WDPCP: variants seen among roughly 807,000 people sequenced by gnomAD.
The protein encoded by WDPCP is WD repeat containing planar cell polarity effector.
WDPCP carries 71 observed loss-of-function variants against 93.1 expected under a neutral mutation model. The ratio of observed to expected loss-of-function variants is 0.76; its 90% CI spans 0.63 to 0.93. The LOEUF is 0.93. Ranked by LOEUF, WDPCP falls within the 40% of genes least tolerant of loss-of-function variation. The pLI is 0.00. For missense variants in WDPCP, 844 were observed against 887.4 expected (o/e 0.95, Z 0.62); for synonymous variants, 315 against 315.0 (o/e 1.00, Z 0.00).
chr2:63,218,632 C>A (rs1265367208), intron 14 of WDPCP, among the ~76,000 whole-genome samples: 3 of 152,032 alleles, frequency 2.0e-5, no homozygotes, highest in South Asian at 2.1e-4. Context: ...CGGGTTCAAG[C>A]GATTCTCCTC....
intron 2 of WDPCP, among the ~76,000 whole-genome samples, chr2:63,776,889 C>T (rs1245162138): frequency 6.6e-6 from 1 of 151,880 alleles, no homozygotes; most frequent in Non-Finnish European, 1.5e-5. Flanking sequence ...CTCACTCATA[C>T]ATAAAAAAAG....
intron 9 of WDPCP, among the ~76,000 whole-genome samples, chr2:63,408,916 C>G (rs1478171481): frequency 6.6e-6 from 1 of 152,072 alleles, no homozygotes; most frequent in Admixed American, 6.5e-5. Flanking sequence ...AGAGTCTGAG[C>G]TCAGACACAC....
chr2:63,174,689 G>A lies in WDPCP; in HGVS notation c.2059C>T (p.Leu687=), dbSNP rs1283720653. 1.9e-6 allele frequency: 3 copies of A among 1,613,894 alleles called. No homozygotes were observed. The highest frequency in any genetic ancestry group is 1.3e-5 in the African/African-American group (1 of 75,014). ...THRHILQQRI[L]NGSSNRQIID... Reference sequence around the variant, plus strand: ...TCTTACCTGTTAGAAGAGCCATTCAGTATTCTTTGTTGTAAAATATGTCTG... The same window carrying A: ...TCTTACCTGTTAGAAGAGCCATTCAATATTCTTTGTTGTAAAATATGTCTG... The change falls in exon 15 of 18, where the codon CTG becomes TTG. Residue 687 remains leucine, a synonymous_variant. Coordinates refer to ENST00000272321, the MANE Select transcript of WDPCP (RefSeq NM_015910.7).
At chr2:63,640,019 G>T (rs559255670) in intron 3 of WDPCP, among the ~76,000 whole-genome samples, 27 of 152,178 alleles carry the variant, frequency 1.8e-4, no homozygotes, top group East Asian at 1.7e-3. Context: ...TTGTTTGTTT[G>T]TTTTTTTCTG....
rs1322464237 is a variant in WDPCP, at chr2:63,470,808, T to A, written c.384+13796A>T. 2.0e-5 allele frequency among the ~76,000 whole-genome samples: 3 copies of A among 152,130 alleles called. 1 individual carries two copies. The East Asian group carries it at 5.8e-4, about 29-fold the overall frequency. On this transcript the variant is annotated intron_variant, in intron 6 of 17. Coordinates refer to ENST00000272321, the MANE Select transcript of WDPCP (RefSeq NM_015910.7). Reference sequence around the variant, plus strand: ...CCTTTCTGACCTCAATTCCTACTACTCTTCTTGCTCATTTCACCCCACTCA... The same window carrying A: ...CCTTTCTGACCTCAATTCCTACTACACTTCTTGCTCATTTCACCCCACTCA...
In WDPCP at chr2:63,751,980, A is replaced by G. The variant is rs1558901977; in HGVS notation, n.308+61642T>C. ...CATCATGACCACTGAAGTTTCCTCC[A>G]CAATCAAAGTTGTCATTTCCACTGA... On this transcript the variant is annotated intron_variant and non_coding_transcript_variant, in intron 2 of 4. Transcript: ENST00000467687. 9.5e-6 allele frequency: 6 copies of G among 632,278 alleles called. 1 individual carries two copies. Among genetic ancestry groups the G allele is most frequent in the South Asian group, 8.4e-5 (6 of 71,084 alleles). The allele number at this position is 632,278 out of a possible 1,614,324, so 39.2% of individuals were successfully genotyped here.
At chr2:63,816,203 G>A (rs1670930627) in intron 1 of WDPCP, among the ~76,000 whole-genome samples, 1 of 152,104 alleles carries the variant, frequency 6.6e-6, no homozygotes, top group Non-Finnish European at 1.5e-5. Flanking sequence ...CAAAAACTGT[G>A]AGGCTGAAAA....
chr2:63,490,275 T>C (rs563668868), intron 2 of WDPCP, among the ~76,000 whole-genome samples: 1 of 152,238 alleles, frequency 6.6e-6, no homozygotes, highest in African/African-American at 2.4e-5. Context: ...ATTGTTAATT[T>C]CCTGATTTCA....
intron 3 of WDPCP, chr2:63,605,422 C>G (rs1709509946): frequency 2.0e-6 from 3 of 1,471,370 alleles, no homozygotes; most frequent in Non-Finnish European, 2.9e-6. Context: ...GCACAGGTCA[C>G]TCTATTTTAT....
intron 14 of WDPCP, among the ~76,000 whole-genome samples, chr2:63,186,348 G>A (rs909537806): frequency 6.6e-6 from 1 of 151,836 alleles, no homozygotes. Flanking sequence ...TCTGGATGTG[G>A]GGGCCCTTCC....
chr2:63,655,278 T>C (rs1558876632), intron 2 of WDPCP, among the ~76,000 whole-genome samples: 1 of 152,312 alleles, frequency 6.6e-6, no homozygotes, highest in East Asian at 1.9e-4. Context: ...CATTGCTCTC[T>C]CTTCGTATTA....
chr2:63,174,543 G>A (rs1673651405), intron 15 of WDPCP, 127 bp downstream of exon 15: 2 of 1,221,372 alleles, frequency 1.6e-6, no homozygotes, highest in Admixed American at 3.8e-5. Flanking sequence ...TGCAAAGTCT[G>A]AGCCATGAGA....
intron 1 of WDPCP, among the ~76,000 whole-genome samples, chr2:63,556,141 G>T (rs766405712): frequency 1.4e-4 from 22 of 152,310 alleles, no homozygotes; most frequent in Non-Finnish European, 2.6e-4. Context: ...AACCAGTTTA[G>T]AGAGGAACAT....
intron 2 of WDPCP, among the ~76,000 whole-genome samples, chr2:63,723,639 T>G (rs1156253130): frequency 6.6e-6 from 1 of 151,514 alleles, no homozygotes; most frequent in Non-Finnish European, 1.5e-5. Flanking sequence ...GTTTGGACAG[T>G]ACTCAAGTTT....
At chr2:63,564,748 T>A (rs946953863) in intron 1 of WDPCP, 1 of 151,792 alleles carries the variant, frequency 6.6e-6, no homozygotes, top group Non-Finnish European at 1.5e-5. Context: ...GTATTTATAC[T>A]TGTGATGTTA....
intron 14 of WDPCP, among the ~76,000 whole-genome samples, chr2:63,181,832 AT>A (rs890685339): frequency 6.6e-6 from 1 of 150,876 alleles, no homozygotes; most frequent in Admixed American, 6.6e-5. Flanking sequence ...AGGTTTTTCC[AT>A]TTGTGTCATG....
chr2:63,742,481 T>C (rs753554556), intron 2 of WDPCP, among the ~76,000 whole-genome samples: 10 of 151,712 alleles, frequency 6.6e-5, no homozygotes, highest in Non-Finnish European at 1.3e-4. Context: ...GGGATCACTT[T>C]GGGATGGTCC....
At chr2:63,227,127 T>A (rs908252135) in intron 14 of WDPCP, among the ~76,000 whole-genome samples, 3 of 151,930 alleles carry the variant, frequency 2.0e-5, no homozygotes, top group Non-Finnish European at 2.9e-5. Context: ...ACAGTCCCCA[T>A]TAATGTAAAT....
intron 13 of WDPCP, among the ~76,000 whole-genome samples, chr2:63,278,447 C>CA (rs773456650): frequency 1.0e-4 from 5 of 49,194 alleles, no homozygotes; most frequent in South Asian, 1.6e-3. Context: ...TGAAACAACG[C>CA]AAAAAAAATA....
Sources: gnomAD v4.1 joint callset for allele counts (sites outside exome capture counted in the v4.1 genomes callset) on GRCh38, gnomAD v4.1.1 for gene constraint, MANE v1.5 for transcripts, NCBI Gene and HGNC (gene_info 2026-07-23, HGNC 2026-07-21) for gene names.